The following STARD9 variants were observed in gnomAD, a reference collection of about 807,000 sequenced individuals.
STARD9 encodes the protein stAR-related lipid transfer protein 9.
A neutral mutation model predicts 399.8 loss-of-function variants in STARD9; 346 were observed. The observed-to-expected ratio is 0.87, with a 90% confidence interval of 0.79 to 0.95. The LOEUF (loss-of-function observed/expected upper bound fraction) is 0.95. STARD9 is among the 40% of genes least tolerant of loss of function. The probability of loss-of-function intolerance (pLI) is 0.00; values close to 1 mark genes in which losing one functional copy is unlikely to be tolerated. For synonymous variants in STARD9, 2,203 were observed against 2,143.5 expected, an observed-to-expected ratio of 1.03 and a Z score of -0.77; for missense variants, 5,832 against 5,667.5, an observed-to-expected ratio of 1.03 and a Z score of -0.93.
rs1274658349 is a variant in STARD9, at chr15:42,717,956, G to A, written c.13560-21G>A. On this transcript the variant is annotated intron_variant, in intron 29 of 32. Coordinates refer to ENST00000290607, the MANE Select transcript of STARD9 (RefSeq NM_020759.3). ...CATTTTTGACCCCTTTCTATTTTCT[G>A]TGCTTGGTGTCTCCCCCCAGCTATC... The A allele has an allele frequency of 2.0e-6, 3 of 1,536,296 alleles. No homozygotes were observed. The African/African-American group carries it at 4.1e-5, about 21-fold the overall frequency.
chr15:42,633,090 C>A (rs2059361317), intron 3 of STARD9, among the ~76,000 whole-genome samples: 1 of 150,612 alleles, frequency 6.6e-6, no homozygotes, highest in Non-Finnish European at 1.5e-5. Context: ...TGTGGTAAGC[C>A]AAGATTGTGC....
chr15:42,587,017 A>C (rs2058290584), intron 3 of STARD9, among the ~76,000 whole-genome samples: 2 of 151,862 alleles, frequency 1.3e-5, no homozygotes, highest in Admixed American at 1.3e-4. Flanking sequence ...CCCCATGCCC[A>C]GCTAATTTTT....
chr15:42,700,115 T>G (rs1196451219), intron 26 of STARD9, among the ~76,000 whole-genome samples: 1 of 152,252 alleles, frequency 6.6e-6, no homozygotes, highest in African/African-American at 2.4e-5. Flanking sequence ...TGACAGAATT[T>G]TATTCTGTTT....
In STARD9 at chr15:42,652,459, C is replaced by T. The variant is rs917987955; in HGVS notation, c.630-61C>T. ...AACATTTCTTGTATTCTGTATGGATCCTTAAGAATCCACCATGTGTAAACA... is the reference window on the plus strand; with the variant it reads ...AACATTTCTTGTATTCTGTATGGATTCTTAAGAATCCACCATGTGTAAACA... On this transcript the variant is annotated intron_variant, in intron 8 of 32. Transcript: ENST00000290607. The T allele has an allele frequency of 3.8e-6, 5 of 1,331,136 alleles. No homozygotes were observed. In the African/African-American group the frequency reaches 5.8e-5, roughly 15 times the overall value. 82.5% of individuals were successfully genotyped at this position (1,331,136 alleles called of 1,614,324 possible).
rs2059471337 is a variant in STARD9 at position 42,638,718 on chromosome 15, T to A, written c.465T>A (p.Asn155Lys). 6.5e-7 allele frequency: 1 copy of A among 1,535,446 alleles called. No homozygotes were observed. Among genetic ancestry groups the A allele is most frequent in the Admixed American group, 2.0e-5 (1 of 50,776 alleles). The change falls in exon 7 of 33, where the codon AAT becomes AAA. Residue 155 changes from asparagine (N) to lysine (K), a missense_variant. Physicochemically the swap from Asn to Lys is moderately conservative, Grantham distance 94. Coordinates refer to ENST00000290607, the MANE Select transcript of STARD9 (RefSeq NM_020759.3). Reference sequence around the variant, plus strand: ...ACTCTAGTTTTCTAGAAATCTATAATGAACGGGTGCGGGATCTGTTGAAGC... The same window carrying A: ...ACTCTAGTTTTCTAGAAATCTATAAAGAACGGGTGCGGGATCTGTTGAAGC... Reference protein sequence around the residue: ...RIKVSFLEIYNERVRDLLKQS... With the variant: ...RIKVSFLEIYKERVRDLLKQS...
intron 26 of STARD9, 146 bp downstream of exon 26, chr15:42,696,026 C>G (rs1303360952): frequency 1.7e-5 from 13 of 786,702 alleles, no homozygotes; most frequent in Non-Finnish European, 2.3e-5. Flanking sequence ...ATGTGCAGGC[C>G]TTTGGTTTTC....
intron 31 of STARD9, 42 bp downstream of exon 31, chr15:42,718,556 G>A (rs1432115451): frequency 2.6e-6 from 4 of 1,521,488 alleles, no homozygotes; most frequent in African/African-American, 2.8e-5. Context: ...AAGAACTTGG[G>A]CTGAAGTGTC....
At position 42,718,818 on chromosome 15, in the gene STARD9, A is replaced by G. The variant is rs948743208; in HGVS notation, c.13909A>G (p.Met4637Val). Reference protein sequence around the residue: ...DTSMPRPSRKMVRGEILPSAW... With the variant: ...DTSMPRPSRKVVRGEILPSAW... ...ATCCATGCCAAGACCCAGCAGAAAA[A>G]TGGTTCGCGGGGAGATCCTGCCCAG... Residue 4637 changes from methionine (M) to valine (V), a missense_variant, in exon 32 of 33, where the codon ATG becomes GTG. Around this residue, in one of 2 missense-constraint regions of STARD9, gnomAD observed 5,828 missense variants for 5,651.1 expected, o/e 1.03. Transcript: ENST00000290607. 2 of 1,537,096 alleles carry G rather than the reference A, an allele frequency of 1.3e-6. No homozygotes were observed. Among genetic ancestry groups the G allele is most frequent in the Admixed American group, 2.0e-5 (1 of 50,982 alleles).
At chr15:42,699,392 C>CTTTTTTTTTTCTTTTTTTTTTTTTTT (rs2060912399) in intron 26 of STARD9, among the ~76,000 whole-genome samples, 1 of 113,280 alleles carries the variant, frequency 8.8e-6, no homozygotes, top group African/African-American at 4.1e-5. Flanking sequence ...TTTTTCTTTT[C>CTTTTTTTTTTCTTTTTTTTTTTTTTT]TTTTTTTTTT....
rs897767856 is a variant in STARD9, at chr15:42,720,997, T to C, written c.*1423T>C. The C allele has an allele frequency of 1.3e-5, 2 of 152,248 alleles. No individual in the cohort carries two copies. The highest frequency in any genetic ancestry group is 4.8e-5 in the African/African-American group (2 of 41,464). The allele number at this position is 152,248 out of a possible 1,614,324, so 9.4% of individuals were successfully genotyped here. ...AAAATTAAAAGTCCTCTGTGTACTT[T>C]ATCTAGTGAAGAGTAGATGAAATCC... On this transcript the variant is annotated 3_prime_UTR_variant, in exon 33 of 33. Transcript: ENST00000290607.
intron 3 of STARD9, among the ~76,000 whole-genome samples, chr15:42,617,043 T>G (rs1349224826): frequency 1.3e-5 from 2 of 152,226 alleles, no homozygotes; most frequent in African/African-American, 4.8e-5. Context: ...ATTAGCTATA[T>G]GGATCTAAAA....
chr15:42,633,504 C>T (rs1040223213), intron 3 of STARD9, among the ~76,000 whole-genome samples: 26 of 152,134 alleles, frequency 1.7e-4, no homozygotes, highest in African/African-American at 6.3e-4. Context: ...CCACTGTATG[C>T]CCAGCAGCAG....
Position 42,685,505 on chromosome 15 carries a change from G to A in STARD9, c.3927G>A (p.Gln1309=). The part of the protein sequence containing the change: ...LQPHCEQAES[Q]VEPSYSEQAD... ...CCCATTGTGAGCAGGCTGAATCACA[G>A]GTAGAGCCAAGCTACTCTGAACAAG... The change falls in exon 23 of 33, where the codon CAG becomes CAA. Residue 1309 remains glutamine (Q), a synonymous_variant. Coordinates refer to ENST00000290607, the MANE Select transcript of STARD9 (RefSeq NM_020759.3). 6.5e-7 allele frequency: 1 copy of A among 1,536,564 alleles called. No individual in the cohort carries two copies. Among genetic ancestry groups the A allele is most frequent in the Non-Finnish European group, 8.7e-7 (1 of 1,146,490 alleles).
intron 20 of STARD9, among the ~76,000 whole-genome samples, chr15:42,676,463 T>C (rs986965543): frequency 1.3e-5 from 2 of 152,174 alleles, no homozygotes; most frequent in Non-Finnish European, 2.9e-5. Flanking sequence ...TTCTTTCTCA[T>C]AACCAAGAAT....
chr15:42,657,234 C>T (rs1192906993), intron 9 of STARD9, among the ~76,000 whole-genome samples: 3 of 151,750 alleles, frequency 2.0e-5, no homozygotes, highest in Non-Finnish European at 2.9e-5. Context: ...GTGGTGAGCG[C>T]TTGTAGTCCC....
At chr15:42,627,725 T>TC (rs1050960418) in intron 3 of STARD9, among the ~76,000 whole-genome samples, 4 of 152,226 alleles carry the variant, frequency 2.6e-5, no homozygotes, top group African/African-American at 9.6e-5. Flanking sequence ...TGTAATGTGT[T>TC]CCAGTTCTAT....
Position 42,720,340 on chromosome 15 carries a change from T to C in STARD9, c.*766T>C, listed in dbSNP as rs1270156440. On this transcript the variant is annotated 3_prime_UTR_variant, in exon 33 of 33. Coordinates refer to ENST00000290607, the MANE Select transcript of STARD9 (RefSeq NM_020759.3). ...TTGGAGGCTGAGTTCTTTTGAGGAC[T>C]GGTTGGAGTGGCAGCCAGATGGTGG... The C allele has an allele frequency of 6.6e-6, 1 of 152,402 alleles. No individual in the cohort carries two copies. Among genetic ancestry groups the C allele is most frequent in the African/African-American group, 2.4e-5 (1 of 41,430 alleles). 9.4% of individuals were successfully genotyped at this position (152,402 alleles called of 1,614,324 possible). A position where few individuals can be genotyped will look rare whatever the true frequency, so the allele number is the denominator to read the frequency against.
Position 42,688,210 on chromosome 15 carries a change from C to G in STARD9, c.6632C>G (p.Pro2211Arg). The G allele has an allele frequency of 6.5e-7, 1 of 1,537,422 alleles. No homozygotes were observed. The highest frequency in any genetic ancestry group is 1.2e-5 in the South Asian group (1 of 84,060). ...QRMKALARAL[P>R]LQPRLERSSK... ...ATGAAAGCATTGGCTAGAGCTCTGC[C>G]ATTGCAACCCAGGCTAGAGAGGTCT... Residue 2211 changes from proline (P) to arginine (R), a missense_variant, in exon 23 of 33, where the codon CCA becomes CGA. Physicochemically the swap from Pro to Arg is moderately radical, Grantham distance 103. This residue lies in a region of STARD9 where 5,828 missense variants were observed against 5,651.1 expected (regional missense o/e 1.03). Transcript: ENST00000290607.
chr15:42,632,104 A>T (rs1429377541), intron 3 of STARD9, among the ~76,000 whole-genome samples: 1 of 152,126 alleles, frequency 6.6e-6, no homozygotes, highest in Non-Finnish European at 1.5e-5. Flanking sequence ...TATTTGCTTT[A>T]TATATATCTG....
Sources: gnomAD v4.1 joint callset for allele counts (sites outside exome capture counted in the v4.1 genomes callset) on GRCh38, gnomAD v4.1.1 for gene constraint, gnomAD v4.1.1 regional missense constraint, MANE v1.5 for transcripts, NCBI Gene and HGNC (gene_info 2026-07-23, HGNC 2026-07-21) for gene names.